The following ALDOA variants were observed in gnomAD, a reference collection of about 807,000 sequenced individuals.
The protein encoded by ALDOA is fructose-bisphosphate aldolase A.
ALDOA carries 26 observed loss-of-function variants against 43.9 expected under a neutral mutation model. The ratio of observed to expected loss-of-function variants is 0.59; its 90% confidence interval spans 0.43 to 0.82. The LOEUF is 0.82. Among genes scored for constraint, ALDOA ranks in the 40% least tolerant of loss-of-function variants. The pLI, the probability that ALDOA is intolerant of heterozygous loss-of-function variation, is 0.00. For synonymous variants in ALDOA, 258 were observed against 222.6 expected (o/e 1.16, Z -1.42); for missense variants, 498 against 549.5 (o/e 0.91, Z 0.94).
At chr16:30,069,205 C>T in intron 6 of ALDOA, 101 bp from the exon 7 acceptor site, 2 of 1,439,838 alleles carry the variant, frequency 1.4e-6, no homozygotes, top group Non-Finnish European at 9.7e-7. Flanking sequence ...GCCTGAGTCC[C>T]TGGCATCATC....
upstream of ALDOA, among the ~76,000 whole-genome samples, chr16:30,064,994 T>C (rs1384363493): frequency 6.6e-6 from 1 of 152,250 alleles, no homozygotes; most frequent in East Asian, 1.9e-4. Context: ...TGACCCCGCA[T>C]GCCAGAGGCC....
rs1436950741 is a variant in ALDOA, at chr16:30,069,882, C to G, written c.1014C>G (p.Leu338=). ...GQSEEEASIN[L]NAINKCPLLK... ...GTGAGGAGGAGGCGTCCATCAACCT[C>G]AATGCCATTAACAAGTGCCCCCTGC... Residue 338 remains leucine, a synonymous_variant, in exon 9 of 10, where the codon CTC becomes CTG. Coordinates refer to ENST00000642816, the MANE Select transcript of ALDOA (RefSeq NM_001243177.4). 9 of 1,614,074 alleles carry G rather than the reference C, an allele frequency of 5.6e-6. No homozygotes were observed. The highest frequency in any genetic ancestry group is 1.3e-5 in the African/African-American group (1 of 74,936).
upstream of ALDOA, chr16:30,064,560 C>G: frequency 7.5e-6 from 3 of 398,694 alleles, no homozygotes; most frequent in Non-Finnish European, 1.3e-5. Context: ...GTCTTCCTCC[C>G]CCTTCCCCCA....
chr16:30,069,009 C>T (rs1008835919), intron 6 of ALDOA, 31 bp downstream of exon 6: 4 of 1,613,846 alleles, frequency 2.5e-6, no homozygotes, highest in African/African-American at 1.3e-5. Flanking sequence ...TAGGCAACCT[C>T]CTACCTCATT....
rs779902973 is a variant in ALDOA, at chr16:30,068,854, A to C, written c.578A>C (p.Lys193Thr). The C allele has an allele frequency of 6.2e-7, 1 of 1,614,214 alleles. No individual in the cohort carries two copies. The highest frequency in any genetic ancestry group is 1.1e-5 in the South Asian group (1 of 91,088). ...DGLSERCAQY[K>T]KDGADFAKWR... ...CTGTCTGAGCGCTGTGCCCAGTACA[A>C]GAAGGACGGAGCTGACTTCGCCAAG... The change falls in exon 6 of 10, where the codon AAG becomes ACG. Residue 193 changes from lysine (K) to threonine (T), a missense_variant. Physicochemically the swap from Lys to Thr is moderately conservative, Grantham distance 78. Transcript: ENST00000642816.
chr16:30,067,733 G>A, intron 4 of ALDOA, 72 bp downstream of exon 4: 1 of 1,567,256 alleles, frequency 6.4e-7, no homozygotes, highest in Non-Finnish European at 8.8e-7. Context: ...AGTGAGGCAG[G>A]GAATGAATGC....
At chr16:30,066,756 C>A (rs938107218) in intron 1 of ALDOA, 129 bp from the exon 2 acceptor site, 1 of 1,022,504 alleles carries the variant, frequency 9.8e-7, no homozygotes, top group Non-Finnish European at 1.4e-6. Context: ...GATCTGGCTC[C>A]GGGGTTGCTG....
At chr16:30,064,612 T>G (rs2151012003), upstream of ALDOA, 1 of 397,162 alleles carries the variant, frequency 2.5e-6, no homozygotes, top group African/African-American at 2.1e-5. Context: ...GGCTTCAGGT[T>G]TCCCTAAATA....
chr16:30,065,361 C>T (rs1358377886), upstream of ALDOA, among the ~76,000 whole-genome samples: 1 of 152,228 alleles, frequency 6.6e-6, no homozygotes, highest in Non-Finnish European at 1.5e-5. Context: ...GCTGGGGCGG[C>T]CCCGGGCCGC....
Position 30,070,003 on chromosome 16 carries a change from CAGG to C in ALDOA, c.1141_1143del (p.Glu381del). 2 of 1,613,796 alleles carry C rather than the reference CAGG, an allele frequency of 1.2e-6. No individual in the cohort carries two copies. Among genetic ancestry groups the C allele is most frequent in the Non-Finnish European group, 1.7e-6 (2 of 1,180,016 alleles). On this transcript the variant is annotated inframe_deletion, in exon 9 of 10. Transcript: ENST00000642816. Reference sequence around the variant, plus strand: ...GAAGAAGGAGAACCTGAAGGCTGCGCAGGAGGAGTATGTCAAGCGAGCCCTGGT... The same window carrying C: ...GAAGAAGGAGAACCTGAAGGCTGCGCAGGAGTATGTCAAGCGAGCCCTGGT...
In ALDOA at chr16:30,070,245, C is replaced by G. The variant is rs749774016; in HGVS notation, c.*33C>G. On this transcript the variant is annotated 3_prime_UTR_variant, in exon 10 of 10. Coordinates refer to ENST00000642816, the MANE Select transcript of ALDOA (RefSeq NM_001243177.4). ...TGTTCCCAGGCTGCCCCCAACACTC[C>G]AGGCCCTGCCCCCTCCCACTCTTGA... 25 of 1,605,808 alleles carry G rather than the reference C, an allele frequency of 1.6e-5. No homozygotes were observed.
intron 6 of ALDOA, 65 bp downstream of exon 6, chr16:30,069,043 C>T (rs750032961): frequency 6.8e-6 from 11 of 1,606,184 alleles, no homozygotes; most frequent in Non-Finnish European, 9.4e-6. Context: ...GTTAATTTGC[C>T]TATTACCTGC....
chr16:30,066,410 C>G (rs939323963), intron 1 of ALDOA, among the ~76,000 whole-genome samples: 2 of 152,216 alleles, frequency 1.3e-5, no homozygotes, highest in Admixed American at 6.5e-5. Flanking sequence ...GATTCTGAGC[C>G]CGGAACAGCT....
rs141764904 is a variant in ALDOA, at chr16:30,069,767, C to T, written c.962-63C>T. 3.6e-4 allele frequency: 578 copies of T among 1,611,884 alleles called. 2 individuals carry two copies. In the African/African-American group the frequency reaches 7.2e-3, roughly 20 times the overall value. ...GACGGATTTCCATGGCAACTTCCAC[C>T]AGCTCCTGCCAGCTTCCTGGGTCTC... On this transcript the variant is annotated intron_variant, in intron 8 of 9. Transcript: ENST00000642816.
At chr16:30,068,536 G>A in intron 4 of ALDOA, 110 bp from the exon 5 acceptor site, 3 of 1,254,952 alleles carry the variant, frequency 2.4e-6, no homozygotes, top group Non-Finnish European at 3.5e-6. Flanking sequence ...CCAGGAAGTG[G>A]AGGCTTCAGT....
At position 30,067,174 on chromosome 16, in the gene ALDOA, A is replaced by G. The variant is rs1009712069; in HGVS notation, c.142-60A>G. ...GACCTCCAGGAGAGGGGCCCTGGTC[A>G]TCGGGAGATGATGGGAAACCCTAGC... On this transcript the variant is annotated intron_variant, in intron 2 of 9. Transcript: ENST00000642816. 20 of 1,608,772 alleles carry G rather than the reference A, an allele frequency of 1.2e-5. 1 individual carries two copies. The South Asian group carries it at 2.2e-4, about 18-fold the overall frequency.
In ALDOA at chr16:30,070,103, C is replaced by T. The variant is rs781001864; in HGVS notation, c.1162-14C>T. 9 of 1,613,820 alleles carry T rather than the reference C, an allele frequency of 5.6e-6. No homozygotes were observed. Among genetic ancestry groups the T allele is most frequent in the Non-Finnish European group, 7.6e-6 (9 of 1,180,008 alleles). ...GAGAAGAGCCCTTCTCACTCCACCC[C>T]TCTCCCTGCTTAGGCCAACAGCCTT... On this transcript the variant is annotated splice_polypyrimidine_tract_variant and intron_variant, in intron 9 of 9. Transcript: ENST00000642816.
intron 6 of ALDOA, 33 bp downstream of exon 6, chr16:30,069,011 T>C (rs2151018094): frequency 6.2e-7 from 1 of 1,613,800 alleles, no homozygotes; most frequent in South Asian, 1.1e-5. Flanking sequence ...GGCAACCTCC[T>C]ACCTCATTTG....
rs1420735059 is a variant in ALDOA, at chr16:30,069,578, C to T, written c.866C>T (p.Thr289Ile). 1.2e-6 allele frequency: 2 copies of T among 1,614,012 alleles called. No homozygotes were observed. The highest frequency in any genetic ancestry group is 1.1e-5 in the South Asian group (1 of 91,088). ...ACCTTGCTGAAGCCCAACATGGTCA[C>T]CCCAGGCCATGCTTGCACTCAGAAG... The part of the protein sequence containing the change: ...EGTLLKPNMV[T>I]PGHACTQKFS... The change falls in exon 8 of 10, where the codon ACC becomes ATC. Residue 289 changes from threonine (T) to isoleucine (I), a missense_variant. Coordinates refer to ENST00000642816, the MANE Select transcript of ALDOA (RefSeq NM_001243177.4).
Sources: gnomAD v4.1 joint callset for allele counts (sites outside exome capture counted in the v4.1 genomes callset) on GRCh38, gnomAD v4.1.1 for gene constraint, MANE v1.5 for transcripts, NCBI Gene and HGNC (gene_info 2026-07-23, HGNC 2026-07-21) for gene names.